Variants in PRKDC observed in about 807,000 individuals in gnomAD.
PRKDC encodes the protein protein kinase, DNA-activated, catalytic subunit, also known as DNA-dependent protein kinase catalytic subunit.
Under a neutral mutation model 486.9 loss-of-function variants are expected in PRKDC, and 82 were observed. The observed-to-expected ratio is 0.17, with a 90% CI of 0.14 to 0.20. The LOEUF is 0.20. Among genes scored for constraint, PRKDC ranks in the 10% least tolerant of loss-of-function variants. PRKDC has a pLI of 1.00. For missense variants in PRKDC, 4,504 were observed against 5,038.2 expected (o/e 0.89, Z 3.21); for synonymous variants, 1,895 against 1,837.0 (o/e 1.03, Z -0.81).
intron 52 of PRKDC, among the ~76,000 whole-genome samples, chr8:47,852,359 C>G (rs899880222): frequency 6.6e-6 from 1 of 152,130 alleles, no homozygotes; most frequent in Non-Finnish European, 1.5e-5. Flanking sequence ...ATTTCCTCCA[C>G]AAGGAAATCC....
chr8:47,936,045 G>A, intron 12 of PRKDC, 145 bp from the exon 13 acceptor site: 1 of 852,452 alleles, frequency 1.2e-6, no homozygotes, highest in South Asian at 2.4e-5. Context: ...TGCTTAACAT[G>A]TATTACTGTG....
At chr8:47,824,392 G>A (rs1275305689) in intron 63 of PRKDC, among the ~76,000 whole-genome samples, 2 of 139,082 alleles carry the variant, frequency 1.4e-5, no homozygotes, top group Middle Eastern at 4.5e-3. Context: ...AGAACTGCTT[G>A]AACCCAGGAG....
intron 60 of PRKDC, among the ~76,000 whole-genome samples, 159 bp downstream of exon 60, chr8:47,831,655 T>A (rs1397985856): frequency 6.6e-6 from 1 of 152,130 alleles, no homozygotes; most frequent in Admixed American, 6.5e-5. Context: ...GAGGGCTGCA[T>A]CCCTGTGGGG....
chr8:47,836,655 T>A (rs1232460145), intron 57 of PRKDC, 128 bp from the exon 58 acceptor site: 10 of 861,392 alleles, frequency 1.2e-5, no homozygotes, highest in Non-Finnish European at 1.7e-5. Flanking sequence ...TAACTTCATA[T>A]GCAGCTGAAG....
At chr8:47,950,559 G>C (rs979895638) in intron 7 of PRKDC, among the ~76,000 whole-genome samples, 7 of 151,702 alleles carry the variant, frequency 4.6e-5, no homozygotes, top group Non-Finnish European at 1.0e-4. Context: ...AACCCGGAAG[G>C]GGGAGCTTGC....
At chr8:47,922,520 G>A (rs949323211) in intron 21 of PRKDC, among the ~76,000 whole-genome samples, 1 of 151,552 alleles carries the variant, frequency 6.6e-6, no homozygotes, top group African/African-American at 2.4e-5. Flanking sequence ...TGCCCAGACT[G>A]GTCTCGAACT....
chr8:47,807,364 G>T (rs768502891), intron 68 of PRKDC, 38 bp from the exon 69 acceptor site: 5 of 1,461,668 alleles, frequency 3.4e-6, no homozygotes, highest in Non-Finnish European at 4.6e-6. Flanking sequence ...ACAGACTCAG[G>T]AATAGGAAGC....
At position 47,897,226 on chromosome 8, in the gene PRKDC, C is replaced by T. The variant is rs958685261; in HGVS notation, c.3533G>A (p.Arg1178Lys). 1 of 1,609,022 alleles carries T rather than the reference C, an allele frequency of 6.2e-7. No individual in the cohort carries two copies. Among genetic ancestry groups the T allele is most frequent in the Admixed American group, 1.7e-5 (1 of 59,954 alleles). ...LVKWLLAHCG[R>K]PQTECRHKSI... ...TTTGTGTCGACATTCTGTCTGGGGC[C>T]TCCCACAATGAGCTAAAAGCCACTT... The change falls in exon 30 of 86, where the codon AGG (arginine) becomes AAG (lysine). Residue 1178 changes from arginine to lysine, a missense_variant. Arg to Lys is a conservative substitution (Grantham distance 26, BLOSUM62 2). This residue lies in a region of PRKDC where 1,969 missense variants were observed against 2,068.9 expected (regional missense o/e 0.95). Coordinates refer to ENST00000314191, the MANE Select transcript of PRKDC (RefSeq NM_006904.7).
intron 68 of PRKDC, among the ~76,000 whole-genome samples, chr8:47,816,721 A>C (rs1589716677): frequency 6.6e-6 from 1 of 152,308 alleles, no homozygotes; most frequent in Non-Finnish European, 1.5e-5. Flanking sequence ...AATGTTTAAA[A>C]TGTTATTTAA....
At chr8:47,850,166 T>C (rs1248563671) in intron 52 of PRKDC, among the ~76,000 whole-genome samples, 2 of 152,184 alleles carry the variant, frequency 1.3e-5, no homozygotes, top group Non-Finnish European at 2.9e-5. Flanking sequence ...AAGTACTCAG[T>C]AGAGTCCACT....
At chr8:47,935,267 TGAGGCA>T (rs1437285581) in intron 13 of PRKDC, among the ~76,000 whole-genome samples, 1 of 152,112 alleles carries the variant, frequency 6.6e-6, no homozygotes, top group African/African-American at 2.4e-5. Context: ...TTTGGGAGGC[TGAGGCA>T]GGTGGATCAA....
intron 31 of PRKDC, among the ~76,000 whole-genome samples, chr8:47,892,270 A>AT (rs1192046615): frequency 6.6e-6 from 1 of 152,222 alleles, no homozygotes; most frequent in Non-Finnish European, 1.5e-5. Context: ...AATTTTTATT[A>AT]TATTTGTTGT....
intron 64 of PRKDC, among the ~76,000 whole-genome samples, chr8:47,822,935 T>G (rs2087637466): frequency 6.6e-6 from 1 of 152,200 alleles, no homozygotes; most frequent in South Asian, 2.1e-4. Flanking sequence ...TCTTTACCTC[T>G]GATGTAATTT....
intron 48 of PRKDC, among the ~76,000 whole-genome samples, chr8:47,857,738 C>T (rs755592470): frequency 3.2e-4 from 48 of 152,096 alleles, no homozygotes; most frequent in Non-Finnish European, 6.2e-4. Context: ...AAGTGAGCCC[C>T]GAGGAAAGAA....
At chr8:47,856,818 GAGC>G in intron 49 of PRKDC, among the ~76,000 whole-genome samples, 1 of 152,354 alleles carries the variant, frequency 6.6e-6, no homozygotes, top group Middle Eastern at 3.4e-3. Flanking sequence ...GGAGTCCTCA[GAGC>G]CTCCCATTCA....
At chr8:47,777,350 A>C (rs1174238180) in intron 84 of PRKDC, among the ~76,000 whole-genome samples, 1 of 152,094 alleles carries the variant, frequency 6.6e-6, no homozygotes, top group African/African-American at 2.4e-5. Flanking sequence ...CTGGGATTAC[A>C]GGTGTGCGTT....
rs4278157 is a variant in PRKDC at position 47,826,744 on chromosome 8, G to A, written c.8695C>T (p.Arg2899Cys). 0.044 allele frequency: 70,956 copies of A among 1,612,892 alleles called. 1,811 individuals carry two copies. Among genetic ancestry groups the A allele is most frequent in the Non-Finnish European group, 0.05 (59,367 of 1,179,602 alleles). The change falls in exon 63 of 86, where the codon CGC (arginine) becomes TGC (cysteine). Residue 2899 changes from arginine to cysteine, a missense_variant. Physicochemically the swap from Arg to Cys is radical, Grantham distance 180. Transcript: ENST00000314191. ...GIRLLEEALL[R>C]LLPAELPAKR... ...GCAGGCAGCTCAGCAGGCAGCAGGCGGAGCAGAGCCTCCTCTAGCAGGCGG... is the reference window on the plus strand; with the variant it reads ...GCAGGCAGCTCAGCAGGCAGCAGGCAGAGCAGAGCCTCCTCTAGCAGGCGG...
intron 40 of PRKDC, among the ~76,000 whole-genome samples, chr8:47,865,329 T>A (rs538742162): frequency 2.0e-5 from 3 of 150,754 alleles, no homozygotes; most frequent in East Asian, 3.9e-4. Context: ...GAGGGTGCAG[T>A]GAGCCGTCGC....
At chr8:47,895,110 C>CT (rs1403369399) in intron 30 of PRKDC, among the ~76,000 whole-genome samples, 20 of 152,066 alleles carry the variant, frequency 1.3e-4, no homozygotes, top group Non-Finnish European at 2.5e-4. Flanking sequence ...ACCTGCAGTC[C>CT]CAGCTACTAA....
Sources: allele counts gnomAD v4.1 joint callset (sites outside exome capture counted in the v4.1 genomes callset), GRCh38; gene constraint gnomAD v4.1.1; regional missense constraint gnomAD v4.1.1; transcripts MANE v1.5; gene names NCBI Gene and HGNC (gene_info 2026-07-23, HGNC 2026-07-21).